The following NR1H4 variants were observed in gnomAD, a reference collection of about 807,000 sequenced individuals.
The protein encoded by NR1H4 is nuclear receptor subfamily 1 group H member 4, also known as bile acid receptor.
A neutral mutation model predicts 58.5 loss-of-function variants in NR1H4; 23 were observed. The observed-to-expected ratio is 0.39, with a 90% confidence interval of 0.28 to 0.56. NR1H4 has a LOEUF of 0.56. Among genes scored for constraint, NR1H4 ranks in the 20% least tolerant of loss-of-function variants. The probability of loss-of-function intolerance (pLI) is 0.58; values close to 1 mark genes in which losing one functional copy is unlikely to be tolerated. For missense variants in NR1H4, 487 were observed against 576.9 expected (o/e 0.84, Z 1.60); for synonymous variants, 214 against 198.0 (o/e 1.08, Z -0.68).
chr12:100,505,031 A>G (rs535277487), intron 3 of NR1H4, among the ~76,000 whole-genome samples: 23 of 152,338 alleles, frequency 1.5e-4, no homozygotes, highest in Non-Finnish European at 2.5e-4. Flanking sequence ...GATGCCAGGA[A>G]CAGCAAACAA....
chr12:100,533,921 G>A (rs1445004872), intron 5 of NR1H4, among the ~76,000 whole-genome samples: 1 of 146,458 alleles, frequency 6.8e-6, no homozygotes, highest in Non-Finnish European at 1.5e-5. Context: ...ACGGAGTCTC[G>A]CTCTGTCGCC....
rs368726440 is a variant in NR1H4, at chr12:100,511,041, G to T, written c.343G>T (p.Gly115Cys). 2 of 1,614,118 alleles carry T rather than the reference G, an allele frequency of 1.2e-6. No homozygotes were observed. The highest frequency in any genetic ancestry group is 1.3e-5 in the African/African-American group (1 of 74,934). ...GCCTGTAACAAAGAAGCCCCGCATG[G>T]GCGCGTCAGCAGGGAGGATCAAAGG... The part of the protein sequence containing the change: ...EMPVTKKPRM[G>C]ASAGRIKGDE... The change falls in exon 4 of 11, where the codon GGC (glycine) becomes TGC (cysteine). Residue 115 changes from glycine (G) to cysteine (C), a missense_variant. By Grantham distance (159) the Gly-to-Cys change is radical. Transcript: ENST00000392986.
intron 4 of NR1H4, 104 bp downstream of exon 4, chr12:100,511,247 TCTC>T: frequency 6.9e-7 from 1 of 1,440,416 alleles, no homozygotes; most frequent in African/African-American, 1.4e-5. Flanking sequence ...CTTCCCATTT[TCTC>T]CTCCTGTGCG....
At position 100,534,890 on chromosome 12, in the gene NR1H4, G is replaced by T; in HGVS notation, c.599G>T (p.Gly200Val). ...MGMLAECMYT[G>V]LLTEIQCKSK... is the part of the protein sequence containing the mutation. Reference sequence around the variant, plus strand: ...AAGTCTCTATGCTTATTTGTTTTAGGCTTGTTAACTGAAATTCAGTGTAAA... The same window carrying T: ...AAGTCTCTATGCTTATTTGTTTTAGTCTTGTTAACTGAAATTCAGTGTAAA... The change falls in exon 6 of 11, where the codon GGC becomes GTC. Residue 200 changes from glycine (G) to valine (V), a missense_variant and splice_region_variant. Coordinates refer to ENST00000392986, the MANE Select transcript of NR1H4 (RefSeq NM_001206979.2). The T allele has an allele frequency of 6.2e-7, 1 of 1,614,128 alleles. No homozygotes were observed. The highest frequency in any genetic ancestry group is 8.5e-7 in the Non-Finnish European group (1 of 1,180,012).
intron 8 of NR1H4, 111 bp from the exon 9 acceptor site, chr12:100,540,561 A>G (rs1954911153): frequency 2.1e-5 from 26 of 1,261,702 alleles, no homozygotes; most frequent in Non-Finnish European, 2.8e-5. Flanking sequence ...AGACTACCCA[A>G]TTTTAAACAA....
At chr12:100,511,370 G>A (rs762813919) in intron 4 of NR1H4, among the ~76,000 whole-genome samples, 2 of 152,136 alleles carry the variant, frequency 1.3e-5, no homozygotes, top group Non-Finnish European at 2.9e-5. Flanking sequence ...CTAGCTTAGA[G>A]TGTTTAGCTT....
chr12:100,525,806 C>A (rs1400525538), intron 4 of NR1H4, among the ~76,000 whole-genome samples: 1 of 152,128 alleles, frequency 6.6e-6, no homozygotes, highest in Non-Finnish European at 1.5e-5. Context: ...GATTCAATTT[C>A]TTTAATAGTA....
chr12:100,545,638 T>G (rs1448385803), intron 9 of NR1H4, among the ~76,000 whole-genome samples: 2 of 78,746 alleles, frequency 2.5e-5, no homozygotes, highest in Non-Finnish European at 4.0e-5. Context: ...TGAGACCTTG[T>G]CTCAAAAAAA....
At chr12:100,474,940 C>T (rs1953234785) in intron 1 of NR1H4, among the ~76,000 whole-genome samples, 1 of 151,986 alleles carries the variant, frequency 6.6e-6, no homozygotes, top group South Asian at 2.1e-4. Context: ...GGTAGGAACC[C>T]TTAGAAATAA....
intron 4 of NR1H4, among the ~76,000 whole-genome samples, chr12:100,520,020 G>T (rs1954373276): frequency 6.6e-6 from 1 of 152,144 alleles, no homozygotes; most frequent in Admixed American, 6.5e-5. Context: ...AGGAAGGGCT[G>T]TGAGGAAAAC....
intron 3 of NR1H4, among the ~76,000 whole-genome samples, chr12:100,505,100 GC>G (rs1185208063): frequency 6.8e-6 from 1 of 147,372 alleles, no homozygotes; most frequent in Non-Finnish European, 1.5e-5. Flanking sequence ...ATAAAGGAAG[GC>G]AAAAAAAAAA....
intron 4 of NR1H4, among the ~76,000 whole-genome samples, chr12:100,519,335 T>C (rs1464233848): frequency 1.3e-5 from 2 of 152,026 alleles, no homozygotes; most frequent in East Asian, 3.9e-4. Context: ...TGTGGAGGGA[T>C]TGGGCACTGG....
At chr12:100,485,335 C>A (rs117696282) in intron 1 of NR1H4, among the ~76,000 whole-genome samples, 4,205 of 152,146 alleles carry the variant, frequency 0.028, 78 homozygotes, top group Non-Finnish European at 0.042. Context: ...CAAATCTGGT[C>A]CTTGGCAGGC....
intron 3 of NR1H4, among the ~76,000 whole-genome samples, chr12:100,501,338 T>G (rs1045104287): frequency 1.3e-5 from 2 of 151,328 alleles, no homozygotes; most frequent in South Asian, 4.2e-4. Context: ...AGAAGTAAAC[T>G]GAGGACTGAA....
chr12:100,510,605 TTTTATA>T (rs1954081106), intron 3 of NR1H4, among the ~76,000 whole-genome samples, 167 bp from the exon 4 acceptor site: 1 of 113,354 alleles, frequency 8.8e-6, no homozygotes, highest in African/African-American at 4.4e-5. Flanking sequence ...TGTCATTTAA[TTTTATA>T]TATATATATA....
chr12:100,561,937 G>A lies in NR1H4; in HGVS notation c.1131G>A (p.Gly377=), dbSNP rs747447514. 1 of 1,566,546 alleles carries A rather than the reference G, an allele frequency of 6.4e-7. No homozygotes were observed. Among genetic ancestry groups the A allele is most frequent in the Non-Finnish European group, 8.8e-7 (1 of 1,137,176 alleles). ...TGTTTAGTTTTTATAAAAGTATTGGGGAACTGAAAATGACTCAAGAGGAGT... is the reference window on the plus strand; with the variant it reads ...TGTTTAGTTTTTATAAAAGTATTGGAGAACTGAAAATGACTCAAGAGGAGT... ...TPMFSFYKSI[G]ELKMTQEEYA... The change falls in exon 10 of 11, where the codon GGG becomes GGA. Residue 377 remains glycine, a synonymous_variant. Transcript: ENST00000392986.
At chr12:100,548,438 C>T (rs984441523) in intron 9 of NR1H4, among the ~76,000 whole-genome samples, 2 of 151,824 alleles carry the variant, frequency 1.3e-5, no homozygotes, top group African/African-American at 2.4e-5. Context: ...ATCCCCTAAA[C>T]CTTCAGAACA....
rs375098473 is a variant in NR1H4, at chr12:100,500,437, A to T, written c.79+7035A>T. 9.2e-5 allele frequency among the ~76,000 whole-genome samples: 14 copies of T among 152,324 alleles called. No homozygotes were observed. In the East Asian group the frequency reaches 1.5e-3, roughly 17 times the overall value. ...CTTTCTGTGACGAAGGAAATGTTCT[A>T]GCTCTACTTCGTCCAATACAGTAGC... is the stretch of plus-strand genomic sequence containing the variant. On this transcript the variant is annotated intron_variant, in intron 3 of 10. Coordinates refer to ENST00000392986, the MANE Select transcript of NR1H4 (RefSeq NM_001206979.2).
chr12:100,560,196 G>A lies in NR1H4; in HGVS notation c.1079-1689G>A, dbSNP rs1440774442. On this transcript the variant is annotated intron_variant, in intron 9 of 10. Coordinates refer to ENST00000392986, the MANE Select transcript of NR1H4 (RefSeq NM_001206979.2). ...AGGGATTGTAAATGTACCAATCAGC[G>A]CCCTGACAAAACAGGCCACTGGGCT... is the stretch of plus-strand genomic sequence containing the variant. Among the ~76,000 whole-genome samples the A allele has an allele frequency of 4.6e-5, 7 of 152,234 alleles. No homozygotes were observed. The South Asian group carries it at 1.2e-3, about 27-fold the overall frequency.
Sources: allele counts gnomAD v4.1 joint callset (sites outside exome capture counted in the v4.1 genomes callset), GRCh38; gene constraint gnomAD v4.1.1; transcripts MANE v1.5; gene names NCBI Gene and HGNC (gene_info 2026-07-23, HGNC 2026-07-21).